Variants in SPIDR observed in about 807,000 individuals in gnomAD.
The protein encoded by SPIDR is scaffold protein involved in DNA repair.
SPIDR carries 93 observed loss-of-function variants against 104.6 expected under a neutral mutation model. The ratio of observed to expected loss-of-function variants is 0.89; its 90% CI spans 0.75 to 1.06. The LOEUF is 1.06. SPIDR is among the 50% of genes least tolerant of loss of function. The probability of loss-of-function intolerance (pLI) is 0.00; values close to 1 mark genes in which losing one functional copy is unlikely to be tolerated. For synonymous variants in SPIDR, 431 were observed against 416.9 expected, an observed-to-expected ratio of 1.03 and a Z score of -0.41; for missense variants, 1,154 against 1,111.2, an observed-to-expected ratio of 1.04 and a Z score of -0.55.
At chr8:47,551,754 T>C (rs1437360423) in intron 8 of SPIDR, among the ~76,000 whole-genome samples, 3 of 152,202 alleles carry the variant, frequency 2.0e-5, no homozygotes, top group Non-Finnish European at 1.5e-5. Flanking sequence ...GAAGGGTTTT[T>C]TGTGTCTCTA....
intron 7 of SPIDR, among the ~76,000 whole-genome samples, chr8:47,435,734 A>G (rs2068190353): frequency 6.6e-6 from 1 of 152,254 alleles, no homozygotes; most frequent in Admixed American, 6.5e-5. Flanking sequence ...TAGGCCTCAG[A>G]GTCCGTTTCT....
chr8:47,720,968 G>C (rs1340959790), intron 16 of SPIDR, among the ~76,000 whole-genome samples: 1 of 152,078 alleles, frequency 6.6e-6, no homozygotes, highest in Non-Finnish European at 1.5e-5. Context: ...ATGTTAGCCA[G>C]GCTGGTCTTG....
At chr8:47,550,780 C>T (rs991314533) in intron 8 of SPIDR, among the ~76,000 whole-genome samples, 1 of 152,122 alleles carries the variant, frequency 6.6e-6, no homozygotes, top group Non-Finnish European at 1.5e-5. Context: ...TTCCTGATTG[C>T]CCTGGCCAGA....
In SPIDR at chr8:47,396,077, G is replaced by T. The variant is rs1275175100; in HGVS notation, c.526-299G>T. 4.6e-5 allele frequency among the ~76,000 whole-genome samples: 7 copies of T among 152,322 alleles called. No individual in the cohort carries two copies. The East Asian group carries it at 1.3e-3, about 29-fold the overall frequency. On this transcript the variant is annotated intron_variant, in intron 5 of 19. Coordinates refer to ENST00000297423, the MANE Select transcript of SPIDR (RefSeq NM_001080394.4). ...TGTTATTAGTTCAGTTTTGGAGATT[G>T]CCTCTATGTGTGGTACTGTCTTGTA...
At chr8:47,311,782 A>G (rs1433573729) in intron 5 of SPIDR, among the ~76,000 whole-genome samples, 4 of 151,704 alleles carry the variant, frequency 2.6e-5, no homozygotes, top group Admixed American at 6.6e-5. Flanking sequence ...GGTTTGTTAC[A>G]TATGTATACA....
intron 8 of SPIDR, among the ~76,000 whole-genome samples, chr8:47,455,490 AGT>A (rs1196797257): frequency 6.6e-6 from 1 of 152,136 alleles, no homozygotes; most frequent in African/African-American, 2.4e-5. Flanking sequence ...ATAAGAAAAA[AGT>A]GTATAAGGCA....
intron 16 of SPIDR, among the ~76,000 whole-genome samples, chr8:47,716,038 C>T (rs1157933247): frequency 6.8e-6 from 1 of 147,818 alleles, no homozygotes; most frequent in Non-Finnish European, 1.5e-5. Flanking sequence ...GATCTCAGCT[C>T]ACTGCAACCT....
chr8:47,269,603 C>T (rs1353941605), intron 1 of SPIDR, among the ~76,000 whole-genome samples: 1 of 151,606 alleles, frequency 6.6e-6, no homozygotes, highest in Non-Finnish European at 1.5e-5. Context: ...AACAAAATAC[C>T]ATGCTGTCTG....
chr8:47,627,546 AGT>A (rs2066379670), intron 10 of SPIDR, among the ~76,000 whole-genome samples: 1 of 152,268 alleles, frequency 6.6e-6, no homozygotes, highest in East Asian at 1.9e-4. Flanking sequence ...AAGTACCCTA[AGT>A]GTGTGTATGT....
chr8:47,493,493 A>G (rs2154367964), intron 8 of SPIDR, among the ~76,000 whole-genome samples: 1 of 152,334 alleles, frequency 6.6e-6, no homozygotes, highest in Admixed American at 6.5e-5. Flanking sequence ...TTCAGGATCA[A>G]ATATGAAAAT....
chr8:47,685,050 C>A (rs1212614823), intron 11 of SPIDR, among the ~76,000 whole-genome samples: 1 of 152,118 alleles, frequency 6.6e-6, no homozygotes, highest in African/African-American at 2.4e-5. Context: ...GAAACCCTGT[C>A]TCTACTGAAA....
intron 5 of SPIDR, among the ~76,000 whole-genome samples, chr8:47,366,154 G>A (rs2057168517): frequency 6.6e-6 from 1 of 152,130 alleles, no homozygotes; most frequent in African/African-American, 2.4e-5. Flanking sequence ...TTTTGGAGCT[G>A]ACCGTTCCCT....
intron 7 of SPIDR, among the ~76,000 whole-genome samples, chr8:47,432,168 A>G (rs2067474245): frequency 2.0e-5 from 3 of 152,246 alleles, no homozygotes; most frequent in Admixed American, 2.0e-4. Context: ...CACTGGTAAA[A>G]TTAGGTGTAG....
rs201083738 is a variant in SPIDR at position 47,503,097 on chromosome 8, A to G, written c.1097+62555A>G. On this transcript the variant is annotated intron_variant, in intron 8 of 19. Coordinates refer to ENST00000297423, the MANE Select transcript of SPIDR (RefSeq NM_001080394.4). ...TGGAATAGGTGTGTTGTGGTGCTGA[A>G]AAGAATGTATATTCTGTTGATTTTG... Among the ~76,000 whole-genome samples, 15 of 152,322 alleles carry G rather than the reference A, an allele frequency of 9.8e-5. 1 individual carries two copies. Among genetic ancestry groups the G allele is most frequent in the African/African-American group, 1.4e-4 (6 of 41,584 alleles).
intron 10 of SPIDR, among the ~76,000 whole-genome samples, chr8:47,634,607 GT>G (rs1048568061): frequency 4.6e-5 from 7 of 152,196 alleles, no homozygotes; most frequent in African/African-American, 1.7e-4. Flanking sequence ...AAGCCATTGT[GT>G]TTTTTTAGCG....
rs1458822334 is a variant in SPIDR at position 47,396,439 on chromosome 8, G to A, written c.589G>A (p.Val197Ile). 5 of 1,613,730 alleles carry A rather than the reference G, an allele frequency of 3.1e-6. No individual in the cohort carries two copies. Among genetic ancestry groups the A allele is most frequent in the East Asian group, 2.2e-5 (1 of 44,866 alleles). ...DSEKEDDLEN[V>I]LLIDSESPHK... ...TGAAAAAGAAGATGATTTGGAAAAT[G>A]TCCTACTCATTGATTCAGAATCCCC... The change falls in exon 6 of 20, where the codon GTC becomes ATC. Residue 197 changes from valine (V) to isoleucine (I), a missense_variant. Coordinates refer to ENST00000297423, the MANE Select transcript of SPIDR (RefSeq NM_001080394.4).
intron 2 of SPIDR, among the ~76,000 whole-genome samples, chr8:47,280,676 G>A (rs1402115277): frequency 6.6e-6 from 1 of 152,078 alleles, no homozygotes; most frequent in Non-Finnish European, 1.5e-5. Context: ...ACAGGCGTGA[G>A]CCACTGTGCC....
chr8:47,367,033 T>A lies in SPIDR; in HGVS notation c.526-29343T>A, dbSNP rs79266824. Among the ~76,000 whole-genome samples the A allele has an allele frequency of 4.6e-3, 706 of 152,338 alleles. 5 individuals carry two copies. The highest frequency in any genetic ancestry group is 0.016 in the African/African-American group (676 of 41,562). ...CTAGGGTGGCTTATACTCCTGTGAT[T>A]ATGTTTAATATATGGCACAGTTGAC... is the stretch of plus-strand genomic sequence containing the variant. On this transcript the variant is annotated intron_variant, in intron 5 of 19. Transcript: ENST00000297423.
intron 8 of SPIDR, among the ~76,000 whole-genome samples, chr8:47,568,171 G>A (rs1257198010): frequency 2.6e-5 from 4 of 152,008 alleles, no homozygotes; most frequent in Non-Finnish European, 4.4e-5. Flanking sequence ...GGAGAGTTTG[G>A]TAGTTACGAG....
Sources: gnomAD v4.1 joint callset for allele counts (sites outside exome capture counted in the v4.1 genomes callset) on GRCh38, gnomAD v4.1.1 for gene constraint, MANE v1.5 for transcripts, NCBI Gene and HGNC (gene_info 2026-07-23, HGNC 2026-07-21) for gene names.